SERP1: variants seen among roughly 807,000 people sequenced by gnomAD.
SERP1 encodes the protein stress associated endoplasmic reticulum protein 1, also known as stress-associated endoplasmic reticulum protein 1.
In SERP1, 6 loss-of-function variants were observed where a neutral mutation model predicts 8.8. The ratio of observed to expected loss-of-function variants is 0.68; its 90% CI spans 0.37 to 1.35. The LOEUF is 1.35. Ranked by LOEUF, SERP1 falls within the 40% of genes most tolerant of loss-of-function variation. SERP1 has a pLI of 0.02. For missense variants in SERP1, 52 were observed against 86.2 expected, an observed-to-expected ratio of 0.60 and a Z score of 1.57; for synonymous variants, 36 against 28.7, an observed-to-expected ratio of 1.25 and a Z score of -0.81.
chr3:150,544,421 T>G lies in SERP1; in HGVS notation c.*37A>C. ...CATCAGGAATGAGTTCAAGTTAAAATTCACAGGAGAATGGAAACATCTTAA... is the reference window on the plus strand; with the variant it reads ...CATCAGGAATGAGTTCAAGTTAAAAGTCACAGGAGAATGGAAACATCTTAA... On this transcript the variant is annotated 3_prime_UTR_variant, in exon 3 of 3. Transcript: ENST00000239944. 1 of 1,592,304 alleles carries G rather than the reference T, an allele frequency of 6.3e-7. No individual in the cohort carries two copies. The highest frequency in any genetic ancestry group is 8.6e-7 in the Non-Finnish European group (1 of 1,160,646).
At position 150,545,787 on chromosome 3, in the gene SERP1, G is replaced by T; in HGVS notation, c.85-9C>A. On this transcript the variant is annotated splice_polypyrimidine_tract_variant and intron_variant, in intron 1 of 2. Coordinates refer to ENST00000239944, the MANE Select transcript of SERP1 (RefSeq NM_014445.4). ...TCTTCGGGGGCATTTCTCTGCAAAA[G>T]CGAAAATCCACCATTTCAGATGCAG... 1 of 1,601,796 alleles carries T rather than the reference G, an allele frequency of 6.2e-7. No homozygotes were observed. Among genetic ancestry groups the T allele is most frequent in the Non-Finnish European group, 8.5e-7 (1 of 1,173,214 alleles).
Position 150,542,883 on chromosome 3 carries a change from A to G in SERP1, c.*1575T>C, listed in dbSNP as rs1000861731. The G allele has an allele frequency of 6.6e-6, 1 of 152,642 alleles. No homozygotes were observed. The highest frequency in any genetic ancestry group is 1.5e-5 in the Non-Finnish European group (1 of 68,024). 9.5% of individuals were successfully genotyped at this position (152,642 alleles called of 1,614,324 possible). Reference sequence around the variant, plus strand: ...AGACACTTGTTTCAAAAAGGGAAACAAGTACAGAGACTGATTAACTGGGTG... The same window carrying G: ...AGACACTTGTTTCAAAAAGGGAAACGAGTACAGAGACTGATTAACTGGGTG... On this transcript the variant is annotated 3_prime_UTR_variant, in exon 3 of 3. Coordinates refer to ENST00000239944, the MANE Select transcript of SERP1 (RefSeq NM_014445.4).
At chr3:150,545,435 A>G (rs1257587965) in intron 2 of SERP1, 5 of 475,636 alleles carry the variant, frequency 1.1e-5, no homozygotes, top group Non-Finnish European at 1.9e-5. Flanking sequence ...TCCGGTCTTA[A>G]CATTTATTCC....
rs756586175 is a variant in SERP1 at position 150,546,151 on chromosome 3, A to C, written c.-16T>G. ...TGGCGACCATCTTCGCGGCGCCACC[A>C]CCTGCCCCGGCCACCCCTCGGACTC... On this transcript the variant is annotated 5_prime_UTR_variant, in exon 1 of 3. Coordinates refer to ENST00000239944, the MANE Select transcript of SERP1 (RefSeq NM_014445.4). 2.5e-6 allele frequency: 4 copies of C among 1,611,620 alleles called. No homozygotes were observed. The highest frequency in any genetic ancestry group is 3.4e-6 in the Non-Finnish European group (4 of 1,179,608).
chr3:150,545,915 T>C lies in SERP1; in HGVS notation c.84+137A>G, dbSNP rs535619819. 5.9e-6 allele frequency: 8 copies of C among 1,362,120 alleles called. No homozygotes were observed. The East Asian group carries it at 1.9e-4, about 33-fold the overall frequency. The allele number at this position is 1,362,120 out of a possible 1,614,324, so 84.4% of individuals were successfully genotyped here. A position where few individuals can be genotyped will look rare whatever the true frequency, so the allele number is the denominator to read the frequency against. The stretch of plus-strand genomic sequence containing the variant: ...TTCCCGAGCCCCCACAGTCTGGCGG[T>C]TCGCAGACTCGGGCCCCTACCCCTC... On this transcript the variant is annotated intron_variant, in intron 1 of 2. Coordinates refer to ENST00000239944, the MANE Select transcript of SERP1 (RefSeq NM_014445.4).
In SERP1 at chr3:150,546,147, C is replaced by T; in HGVS notation, c.-12G>A. The T allele has an allele frequency of 6.2e-7, 1 of 1,612,396 alleles. No homozygotes were observed. The highest frequency in any genetic ancestry group is 8.5e-7 in the Non-Finnish European group (1 of 1,179,718). On this transcript the variant is annotated 5_prime_UTR_variant, in exon 1 of 3. Coordinates refer to ENST00000239944, the MANE Select transcript of SERP1 (RefSeq NM_014445.4). ...TGCTTGGCGACCATCTTCGCGGCGC[C>T]ACCACCTGCCCCGGCCACCCCTCGG...
chr3:150,545,563 A>G, intron 2 of SERP1, 140 bp downstream of exon 2: 2 of 788,966 alleles, frequency 2.5e-6, no homozygotes, highest in Admixed American at 2.4e-5. Context: ...AATTTGGTTC[A>G]GACGAAACAG....
intron 2 of SERP1, chr3:150,545,340 T>A (rs1722961822): frequency 8.2e-6 from 3 of 363,886 alleles, no homozygotes; most frequent in Middle Eastern, 1.5e-3. Flanking sequence ...AGTTCTAACA[T>A]CTATAGTACA....
At chr3:150,545,931 C>A in intron 1 of SERP1, 121 bp downstream of exon 1, 1 of 1,417,298 alleles carries the variant, frequency 7.1e-7, no homozygotes, top group Non-Finnish European at 9.7e-7. Context: ...GACTCGGGCC[C>A]CTACCCCTCC....
chr3:150,546,017 T>A (rs753691773), intron 1 of SERP1, 35 bp downstream of exon 1: 1 of 1,611,570 alleles, frequency 6.2e-7, no homozygotes, highest in Non-Finnish European at 8.5e-7. Flanking sequence ...CAGCTCCGGC[T>A]GCGGAACGCA....
At position 150,544,344 on chromosome 3, in the gene SERP1, G is replaced by C; in HGVS notation, c.*114C>G. ...ATGACACATGAAGCATGATAGGAAAGTCATTCTGAGGCAGGATGCTTTACT... is the reference window on the plus strand; with the variant it reads ...ATGACACATGAAGCATGATAGGAAACTCATTCTGAGGCAGGATGCTTTACT... On this transcript the variant is annotated 3_prime_UTR_variant, in exon 3 of 3. Coordinates refer to ENST00000239944, the MANE Select transcript of SERP1 (RefSeq NM_014445.4). 3.1e-6 allele frequency: 3 copies of C among 971,734 alleles called. No individual in the cohort carries two copies. The highest frequency in any genetic ancestry group is 1.4e-5 in the South Asian group (1 of 73,738). The allele number at this position is 971,734 out of a possible 1,614,324, so 60.2% of individuals were successfully genotyped here. A position where few individuals can be genotyped will look rare whatever the true frequency, so the allele number is the denominator to read the frequency against.
At position 150,546,221 on chromosome 3, in the gene SERP1, G is replaced by C; in HGVS notation, c.-86C>G. The C allele has an allele frequency of 6.8e-7, 1 of 1,465,238 alleles. No individual in the cohort carries two copies. The allele number at this position is 1,465,238 out of a possible 1,614,324, so 90.8% of individuals were successfully genotyped here. On this transcript the variant is annotated 5_prime_UTR_variant, in exon 1 of 3. Transcript: ENST00000239944. ...CTGGAGCCGCTGCGAGGCTCGGCTCGTGGTGCCCGCGCCGCCGGAGCGCCG... is the reference window on the plus strand; with the variant it reads ...CTGGAGCCGCTGCGAGGCTCGGCTCCTGGTGCCCGCGCCGCCGGAGCGCCG...
In SERP1 at chr3:150,544,445, A is replaced by T; in HGVS notation, c.*13T>A. On this transcript the variant is annotated 3_prime_UTR_variant, in exon 3 of 3. Transcript: ENST00000239944. ...ATTCACAGGAGAATGGAAACATCTTAAGGTCAGTCACTTCACATGCCCATC... is the reference window on the plus strand; with the variant it reads ...ATTCACAGGAGAATGGAAACATCTTTAGGTCAGTCACTTCACATGCCCATC... 6.2e-7 allele frequency: 1 copy of T among 1,611,182 alleles called. No individual in the cohort carries two copies. The highest frequency in any genetic ancestry group is 8.5e-7 in the Non-Finnish European group (1 of 1,177,512).
intron 2 of SERP1, 168 bp downstream of exon 2, chr3:150,545,535 T>C: frequency 1.5e-6 from 1 of 673,606 alleles, no homozygotes; most frequent in Non-Finnish European, 2.6e-6. Flanking sequence ...CCACCCTCTG[T>C]GCATATGTGG....
Position 150,546,086 on chromosome 3 carries a change from T to C in SERP1, c.50A>G (p.Asn17Ser), listed in dbSNP as rs1304763172. 4.3e-6 allele frequency: 7 copies of C among 1,613,864 alleles called. No homozygotes were observed. Among genetic ancestry groups the C allele is most frequent in the Non-Finnish European group, 5.9e-6 (7 of 1,179,902 alleles). ...GGCGACGTTGCCGCGCTGGGTGATG[T>C]TCTTGCTGTGCTTCTCGTTGGCCAT... The part of the protein sequence containing the change: ...IRMANEKHSK[N>S]ITQRGNVAKT... The change falls in exon 1 of 3, where the codon AAC (asparagine) becomes AGC (serine). Residue 17 changes from asparagine to serine, a missense_variant. By Grantham distance (46) the Asn-to-Ser change is conservative (BLOSUM62 1). Transcript: ENST00000239944.
Position 150,544,396 on chromosome 3 carries a change from C to T in SERP1, c.*62G>A. ...AATTGTTTTCAACCAGGGTATCAAA[C>T]ATCAGGAATGAGTTCAAGTTAAAAT... On this transcript the variant is annotated 3_prime_UTR_variant, in exon 3 of 3. Coordinates refer to ENST00000239944, the MANE Select transcript of SERP1 (RefSeq NM_014445.4). 1.4e-6 allele frequency: 2 copies of T among 1,430,094 alleles called. No homozygotes were observed. The highest frequency in any genetic ancestry group is 2.0e-6 in the Non-Finnish European group (2 of 1,013,566). 88.6% of individuals were successfully genotyped at this position (1,430,094 alleles called of 1,614,324 possible).
chr3:150,544,332 C>G lies in SERP1; in HGVS notation c.*126G>C. ...AGAAACCTTGGAATGACACATGAAG[C>G]ATGATAGGAAAGTCATTCTGAGGCA... On this transcript the variant is annotated 3_prime_UTR_variant, in exon 3 of 3. Transcript: ENST00000239944. 1 of 870,918 alleles carries G rather than the reference C, an allele frequency of 1.1e-6. No homozygotes were observed. The highest frequency in any genetic ancestry group is 1.4e-5 in the South Asian group (1 of 69,250). The allele number at this position is 870,918 out of a possible 1,614,324, so 53.9% of individuals were successfully genotyped here.
rs760988048 is a variant in SERP1, at chr3:150,546,269, C to T, written c.-134G>A. 9 of 992,632 alleles carry T rather than the reference C, an allele frequency of 9.1e-6. No homozygotes were observed. In the South Asian group the frequency reaches 9.3e-5, roughly 10 times the overall value. The allele number at this position is 992,632 out of a possible 1,614,324, so 61.5% of individuals were successfully genotyped here. A position where few individuals can be genotyped will look rare whatever the true frequency, so the allele number is the denominator to read the frequency against. On this transcript the variant is annotated 5_prime_UTR_variant, in exon 1 of 3. Transcript: ENST00000239944. The stretch of plus-strand genomic sequence containing the variant: ...CCGAGGTTCTCAGGCCAGACGCTAG[C>T]TACGGCCGCTGGGCCTGGGCGCCGC...
Position 150,546,140 on chromosome 3 carries a change from G to A in SERP1, c.-5C>T. The A allele has an allele frequency of 3.7e-6, 6 of 1,612,792 alleles. No homozygotes were observed. Among genetic ancestry groups the A allele is most frequent in the Non-Finnish European group, 5.1e-6 (6 of 1,179,796 alleles). ...GATCCTTTGCTTGGCGACCATCTTC[G>A]CGGCGCCACCACCTGCCCCGGCCAC... On this transcript the variant is annotated 5_prime_UTR_variant, in exon 1 of 3. Transcript: ENST00000239944.
Sources: allele counts gnomAD v4.1 joint callset, GRCh38; gene constraint gnomAD v4.1.1; transcripts MANE v1.5; gene names NCBI Gene and HGNC (gene_info 2026-07-23, HGNC 2026-07-21).